MARCHF1: variants seen among roughly 807,000 people sequenced by gnomAD.
The protein encoded by MARCHF1 is E3 ubiquitin-protein ligase MARCHF1.
In MARCHF1, 40 loss-of-function variants were observed where a neutral mutation model predicts 54.2. The observed-to-expected ratio is 0.74, with a 90% CI of 0.57 to 0.96. MARCHF1 has a LOEUF of 0.96. MARCHF1 is among the 40% of genes least tolerant of loss of function. The probability of loss-of-function intolerance (pLI) is 0.00; values close to 1 mark genes in which losing one functional copy is unlikely to be tolerated. For missense variants in MARCHF1, 586 were observed against 656.5 expected, an observed-to-expected ratio of 0.89 and a Z score of 1.17; for synonymous variants, 236 against 236.3, an observed-to-expected ratio of 1.00 and a Z score of 0.01.
chr4:163,586,155 T>C (rs762075795), intron 7 of MARCHF1, among the ~76,000 whole-genome samples: 1 of 152,152 alleles, frequency 6.6e-6, no homozygotes, highest in Non-Finnish European at 1.5e-5. Context: ...AATCCAAAAC[T>C]TTTTGAGCAC....
Position 164,021,725 on chromosome 4 carries a change from C to T in MARCHF1, c.-247-33016G>A, listed in dbSNP as rs549076079. On this transcript the variant is annotated intron_variant, in intron 2 of 9. Coordinates refer to ENST00000514618, the MANE Select transcript of MARCHF1 (RefSeq NM_001394959.1). The stretch of plus-strand genomic sequence containing the variant: ...CAAAAAATTTAGCCGGGCTTAGTGG[C>T]GGATGCCTGCAATCCCAGCTAGTCA... Among the ~76,000 whole-genome samples the T allele has an allele frequency of 1.4e-3, 215 of 151,900 alleles. 1 individual carries two copies. The highest frequency in any genetic ancestry group is 4.9e-3 in the African/African-American group (203 of 41,414).
At position 164,218,137 on chromosome 4, in the gene MARCHF1, G is replaced by A. The variant is rs191517198; in HGVS notation, c.-322-106475C>T. On this transcript the variant is annotated intron_variant, in intron 1 of 9. Coordinates refer to ENST00000514618, the MANE Select transcript of MARCHF1 (RefSeq NM_001394959.1). Reference sequence around the variant, plus strand: ...GGTAAAACTATAACTCTTGGGAGAGGAGGTCAGAAACAGGGAAATAAGTAT... The same window carrying A: ...GGTAAAACTATAACTCTTGGGAGAGAAGGTCAGAAACAGGGAAATAAGTAT... Among the ~76,000 whole-genome samples, 3 of 151,980 alleles carry A rather than the reference G, an allele frequency of 2.0e-5. No individual in the cohort carries two copies. The East Asian group carries it at 5.8e-4, about 29-fold the overall frequency.
At chr4:163,710,781 A>T (rs72993149) in intron 4 of MARCHF1, among the ~76,000 whole-genome samples, 17,134 of 152,168 alleles carry the variant, frequency 0.11, 1,343 homozygotes, top group African/African-American at 0.22. Flanking sequence ...TCTTTATAGT[A>T]ATGAAAGGAT....
At chr4:164,099,591 C>A (rs1203571739) in intron 2 of MARCHF1, among the ~76,000 whole-genome samples, 1 of 152,096 alleles carries the variant, frequency 6.6e-6, no homozygotes, top group Non-Finnish European at 1.5e-5. Flanking sequence ...CATAAAACTT[C>A]TTTTCAATAT....
At chr4:164,252,519 C>T (rs1039629298) in intron 1 of MARCHF1, among the ~76,000 whole-genome samples, 1 of 152,074 alleles carries the variant, frequency 6.6e-6, no homozygotes, top group Non-Finnish European at 1.5e-5. Context: ...TGCTCAGCAC[C>T]CTCATCAGCA....
At chr4:164,048,243 T>A (rs973405647) in intron 2 of MARCHF1, among the ~76,000 whole-genome samples, 13 of 152,222 alleles carry the variant, frequency 8.5e-5, no homozygotes, top group African/African-American at 3.1e-4. Context: ...ATTATTGTTT[T>A]ACACTTTAAT....
intron 1 of MARCHF1, among the ~76,000 whole-genome samples, chr4:164,267,232 CTT>C (rs1733633312): frequency 6.6e-6 from 1 of 152,190 alleles, no homozygotes; most frequent in Admixed American, 6.5e-5. Context: ...CAGAATGACT[CTT>C]GATGATCTCT....
chr4:163,924,862 A>T (rs1169210690), intron 3 of MARCHF1, among the ~76,000 whole-genome samples: 2 of 151,886 alleles, frequency 1.3e-5, no homozygotes, highest in African/African-American at 4.8e-5. Flanking sequence ...ATAAGCAGCA[A>T]CATGGTAAAT....
chr4:164,149,453 T>G (rs1259538096), intron 1 of MARCHF1, among the ~76,000 whole-genome samples: 1 of 152,208 alleles, frequency 6.6e-6, no homozygotes, highest in Non-Finnish European at 1.5e-5. Context: ...AGAAGACGTT[T>G]AAATGGCACA....
chr4:164,125,246 C>G (rs1335703279), intron 1 of MARCHF1, among the ~76,000 whole-genome samples: 1 of 152,052 alleles, frequency 6.6e-6, no homozygotes, highest in Non-Finnish European at 1.5e-5. Context: ...CTTTCATGAT[C>G]ATCTCCATAA....
intron 1 of MARCHF1, among the ~76,000 whole-genome samples, chr4:164,380,379 G>C (rs1436668005): frequency 6.6e-6 from 1 of 152,128 alleles, no homozygotes; most frequent in African/African-American, 2.4e-5. Context: ...GCTATGCACT[G>C]TCCCCCATGA....
intron 2 of MARCHF1, among the ~76,000 whole-genome samples, chr4:164,109,461 C>G (rs1755783302): frequency 6.6e-6 from 1 of 151,950 alleles, no homozygotes; most frequent in Non-Finnish European, 1.5e-5. Flanking sequence ...TATAAGGTCT[C>G]TTCATATACA....
chr4:163,718,242 G>C (rs994819963), intron 4 of MARCHF1, among the ~76,000 whole-genome samples: 2 of 151,958 alleles, frequency 1.3e-5, no homozygotes, highest in African/African-American at 4.8e-5. Context: ...CATAGGCGTG[G>C]GCAAGGACAT....
chr4:164,028,790 G>C (rs1363793968), intron 2 of MARCHF1, among the ~76,000 whole-genome samples: 1 of 152,146 alleles, frequency 6.6e-6, no homozygotes. Context: ...CAAGTACTCA[G>C]AAGATACATG....
At chr4:164,354,361 T>G (rs1475775754) in intron 1 of MARCHF1, among the ~76,000 whole-genome samples, 1 of 136,962 alleles carries the variant, frequency 7.3e-6, no homozygotes, top group Non-Finnish European at 1.6e-5. Context: ...GCAAAAATCC[T>G]CAATAAAATA....
intron 2 of MARCHF1, among the ~76,000 whole-genome samples, chr4:164,030,442 T>A (rs1293779241): frequency 6.6e-6 from 1 of 152,208 alleles, no homozygotes; most frequent in East Asian, 1.9e-4. Context: ...TAACCTTAGA[T>A]AATAATTTGC....
chr4:163,625,884 GA>G (rs1268699161), intron 5 of MARCHF1, among the ~76,000 whole-genome samples: 3 of 152,130 alleles, frequency 2.0e-5, no homozygotes, highest in Non-Finnish European at 4.4e-5. Flanking sequence ...AGGATAAAAT[GA>G]ATTAATGTCT....
chr4:163,536,940 C>T (rs767438393), intron 9 of MARCHF1, among the ~76,000 whole-genome samples: 3 of 152,134 alleles, frequency 2.0e-5, no homozygotes, highest in African/African-American at 7.2e-5. Context: ...GCACCCCAAT[C>T]CCCACATACA....
At chr4:163,586,714 T>C (rs982085881) in intron 7 of MARCHF1, among the ~76,000 whole-genome samples, 3 of 152,212 alleles carry the variant, frequency 2.0e-5, no homozygotes, top group Non-Finnish European at 4.4e-5. Flanking sequence ...ATAAAAGTTA[T>C]GAGTTTTAAG....
Sources: allele counts gnomAD v4.1 joint callset (sites outside exome capture counted in the v4.1 genomes callset), GRCh38; gene constraint gnomAD v4.1.1; transcripts MANE v1.5; gene names NCBI Gene and HGNC (gene_info 2026-07-23, HGNC 2026-07-21).